Variants in UBXN7 observed in about 807,000 individuals in gnomAD.
UBXN7 encodes the protein UBX domain-containing protein 7.
UBXN7 carries 9 observed loss-of-function variants against 58.0 expected under a neutral mutation model. The observed-to-expected ratio is 0.16, with a 90% CI of 0.09 to 0.27. The LOEUF is 0.27. UBXN7 is among the 10% of genes least tolerant of loss of function. UBXN7 has a pLI of 1.00. For missense variants in UBXN7, 328 were observed against 599.6 expected, an observed-to-expected ratio of 0.55 and a Z score of 4.73; for synonymous variants, 208 against 205.0, an observed-to-expected ratio of 1.01 and a Z score of -0.12.
At chr3:196,413,330 C>T (rs1483435291) in intron 1 of UBXN7, among the ~76,000 whole-genome samples, 1 of 151,926 alleles carries the variant, frequency 6.6e-6, no homozygotes, top group East Asian at 1.9e-4. Context: ...AAGAGCGAAA[C>T]TCTGTCTCAA....
chr3:196,372,053 A>G lies in UBXN7; in HGVS notation c.469-11T>C. On this transcript the variant is annotated splice_polypyrimidine_tract_variant and intron_variant, in intron 5 of 10. Transcript: ENST00000296328. ...GCCACACTCTTTGGCCTGCAAGAGT[A>G]AAGTTACACATTTGTTAGAAATAAT... The G allele has an allele frequency of 1.3e-6, 2 of 1,582,294 alleles. No individual in the cohort carries two copies. The highest frequency in any genetic ancestry group is 1.7e-6 in the Non-Finnish European group (2 of 1,164,446).
chr3:196,419,863 G>T (rs1730625320), intron 1 of UBXN7, among the ~76,000 whole-genome samples: 1 of 152,198 alleles, frequency 6.6e-6, no homozygotes, highest in South Asian at 2.1e-4. Flanking sequence ...TTTGTCAGCA[G>T]TCAAAGGCAA....
chr3:196,424,383 ATTTTTTTT>A (rs869183431), intron 1 of UBXN7, among the ~76,000 whole-genome samples: 10 of 104,900 alleles, frequency 9.5e-5, no homozygotes, highest in South Asian at 6.6e-4. Context: ...TCTTTTCCTA[ATTTTTTTT>A]TTTTTTTTTT....
In UBXN7 at chr3:196,355,712, C is replaced by T. The variant is rs1202541463; in HGVS notation, c.*973G>A. On this transcript the variant is annotated 3_prime_UTR_variant, in exon 11 of 11. Coordinates refer to ENST00000296328, the MANE Select transcript of UBXN7 (RefSeq NM_015562.2). ...GGTTTTCTTTTTCCCCAGGGACATA[C>T]CTAAGTATGCCTGAAACAACACAGG... The T allele has an allele frequency of 1.3e-5, 2 of 152,148 alleles. No individual in the cohort carries two copies. The highest frequency in any genetic ancestry group is 4.8e-5 in the African/African-American group (2 of 41,432). The allele number at this position is 152,148 out of a possible 1,614,324, so 9.4% of individuals were successfully genotyped here.
intron 1 of UBXN7, among the ~76,000 whole-genome samples, chr3:196,423,911 A>C (rs937410018): frequency 4.2e-5 from 6 of 141,224 alleles, no homozygotes; most frequent in Non-Finnish European, 7.6e-5. Context: ...TTTTTTTGAG[A>C]CAGAGTCACA....
intron 1 of UBXN7, among the ~76,000 whole-genome samples, chr3:196,428,391 T>G (rs568449260): frequency 6.9e-6 from 1 of 144,784 alleles, no homozygotes; most frequent in Non-Finnish European, 1.5e-5. Context: ...GCGGTAAGGA[T>G]GCAGCAAGCT....
At chr3:196,363,227 CATACATACATACATACATACATAA>C (rs1433701712) in intron 8 of UBXN7, among the ~76,000 whole-genome samples, 5 of 123,646 alleles carry the variant, frequency 4.0e-5, no homozygotes, top group East Asian at 3.1e-4. Context: ...TACATACATA[CATACATACATACATACATACATAA>C]ATATATATAT....
intron 10 of UBXN7, among the ~76,000 whole-genome samples, chr3:196,358,742 A>ACAAC (rs1379238459): frequency 6.6e-6 from 1 of 152,146 alleles, no homozygotes; most frequent in Non-Finnish European, 1.5e-5. Context: ...CTGTCTCAAA[A>ACAAC]CAACCAACCA....
intron 9 of UBXN7, 34 bp downstream of exon 9, chr3:196,362,260 A>G (rs1560218224): frequency 6.5e-7 from 1 of 1,549,558 alleles, no homozygotes; most frequent in Non-Finnish European, 8.7e-7. Context: ...CCAATATCTA[A>G]GTTTGAAGTA....
intron 3 of UBXN7, among the ~76,000 whole-genome samples, chr3:196,401,864 A>AG (rs1560235923): frequency 2.6e-5 from 4 of 151,142 alleles, no homozygotes; most frequent in African/African-American, 9.7e-5. Flanking sequence ...AGAGAAGAAA[A>AG]ACTACCTATT....
At chr3:196,413,300 T>C (rs1438303617) in intron 1 of UBXN7, among the ~76,000 whole-genome samples, 2 of 152,126 alleles carry the variant, frequency 1.3e-5, no homozygotes, top group African/African-American at 4.8e-5. Flanking sequence ...GTTGCTCCAT[T>C]GCACTTCAGC....
chr3:196,414,676 C>T (rs1730426670), intron 1 of UBXN7: 1 of 152,208 alleles, frequency 6.6e-6, no homozygotes. Context: ...TTTCCTCTGC[C>T]TCCTCACTCT....
intron 10 of UBXN7, 75 bp downstream of exon 10, chr3:196,361,769 C>A: frequency 3.1e-6 from 4 of 1,274,826 alleles, no homozygotes; most frequent in Non-Finnish European, 4.5e-6. Context: ...CTTTTATATG[C>A]ACCAGGAAAC....
chr3:196,358,513 ATGACT>A lies in UBXN7; in HGVS notation c.1309-1672_1309-1668del, dbSNP rs533603189. Among the ~76,000 whole-genome samples the A allele has an allele frequency of 6.6e-5, 10 of 152,316 alleles. 1 individual carries two copies. The South Asian group carries it at 1.7e-3, about 25-fold the overall frequency. ...CACTTTGGGAGGCTGGGGAAGGAGG[ATGACT>A]TGAGCTCAGGAGTTCAAGACCAGCC... On this transcript the variant is annotated intron_variant, in intron 10 of 10. Coordinates refer to ENST00000296328, the MANE Select transcript of UBXN7 (RefSeq NM_015562.2).
intron 1 of UBXN7, among the ~76,000 whole-genome samples, chr3:196,412,217 C>T (rs1458729142): frequency 4.5e-5 from 5 of 111,256 alleles, no homozygotes; most frequent in Admixed American, 2.7e-4. Flanking sequence ...GGTGACAGAG[C>T]GAGACTTTGT....
chr3:196,418,347 G>A (rs1041781675), intron 1 of UBXN7, among the ~76,000 whole-genome samples: 1 of 152,114 alleles, frequency 6.6e-6, no homozygotes, highest in African/African-American at 2.4e-5. Context: ...TACTCTATAC[G>A]TAAATGACAT....
chr3:196,400,885 C>T (rs531601916), intron 3 of UBXN7, among the ~76,000 whole-genome samples: 126 of 152,062 alleles, frequency 8.3e-4, no homozygotes, highest in African/African-American at 2.9e-3. Flanking sequence ...ATAAAGCTTC[C>T]AAGGGCATTA....
At chr3:196,389,503 A>C (rs1729512206) in intron 5 of UBXN7, among the ~76,000 whole-genome samples, 2 of 152,182 alleles carry the variant, frequency 1.3e-5, no homozygotes, top group South Asian at 4.1e-4. Context: ...TCCCCTCCAA[A>C]TCTCACACTG....
intron 1 of UBXN7, 187 bp downstream of exon 1, chr3:196,432,140 G>A (rs1180407926): frequency 5.7e-6 from 4 of 698,788 alleles, no homozygotes; most frequent in African/African-American, 1.8e-5. Flanking sequence ...TATCGGGAGC[G>A]GGGGGGGGCT....
Sources: allele counts gnomAD v4.1 joint callset (sites outside exome capture counted in the v4.1 genomes callset), GRCh38; gene constraint gnomAD v4.1.1; transcripts MANE v1.5; gene names NCBI Gene and HGNC (gene_info 2026-07-23, HGNC 2026-07-21).